Variants in GPR158 observed in about 807,000 individuals in gnomAD.
The protein encoded by GPR158 is metabotropic glycine receptor.
Under a neutral mutation model 78.2 loss-of-function variants are expected in GPR158, and 30 were observed. That is an observed-to-expected ratio of 0.38 (90% CI 0.29 to 0.52). The LOEUF is 0.52. Among genes scored for constraint, GPR158 ranks in the 20% least tolerant of loss-of-function variants. The pLI is 0.83. For synonymous variants in GPR158, 581 were observed against 591.1 expected, an observed-to-expected ratio of 0.98 and a Z score of 0.25; for missense variants, 1,463 against 1,523.5, an observed-to-expected ratio of 0.96 and a Z score of 0.66.
intron 2 of GPR158, among the ~76,000 whole-genome samples, chr10:25,338,492 T>TATATATTATATATACA (rs1294504632): frequency 2.2e-4 from 29 of 129,054 alleles, no homozygotes; most frequent in African/African-American, 9.0e-4. Context: ...ATACGTATAA[T>TATATATTATATATACA]ATACGTATAT....
chr10:25,246,239 A>G (rs1853687313), intron 2 of GPR158, among the ~76,000 whole-genome samples: 1 of 152,212 alleles, frequency 6.6e-6, no homozygotes, highest in Non-Finnish European at 1.5e-5. Flanking sequence ...TTTGATAGTC[A>G]CTGTAGAATA....
intron 4 of GPR158, among the ~76,000 whole-genome samples, chr10:25,438,270 A>G (rs140143088): frequency 6.6e-6 from 1 of 152,328 alleles, no homozygotes; most frequent in East Asian, 1.9e-4. Flanking sequence ...ATGAAGTTCA[A>G]GTGCACTTAG....
At chr10:25,289,071 C>G (rs1854395905) in intron 2 of GPR158, among the ~76,000 whole-genome samples, 1 of 152,160 alleles carries the variant, frequency 6.6e-6, no homozygotes, top group South Asian at 2.1e-4. Flanking sequence ...GCAACTTGGC[C>G]TCTGGCAAAT....
chr10:25,409,474 C>T (rs1166848527), intron 3 of GPR158, among the ~76,000 whole-genome samples: 1 of 152,150 alleles, frequency 6.6e-6, no homozygotes, highest in East Asian at 1.9e-4. Context: ...GTATTCTTAT[C>T]TGCTTTGTTG....
chr10:25,236,248 G>A (rs752751057), intron 2 of GPR158, among the ~76,000 whole-genome samples: 2 of 152,176 alleles, frequency 1.3e-5, no homozygotes, highest in Non-Finnish European at 2.9e-5. Flanking sequence ...GCTCACACCT[G>A]TAATGCCAGC....
chr10:25,313,963 C>T (rs998874267), intron 2 of GPR158, among the ~76,000 whole-genome samples: 5 of 152,100 alleles, frequency 3.3e-5, no homozygotes, highest in African/African-American at 1.2e-4. Context: ...CAGGGCCTGG[C>T]ACTTTTTGGT....
chr10:25,285,066 T>TTGTGTGTGTGTG (rs149094801), intron 2 of GPR158, among the ~76,000 whole-genome samples: 119 of 149,152 alleles, frequency 8.0e-4, no homozygotes, highest in African/African-American at 2.3e-3. Flanking sequence ...GTTCTATTCA[T>TTGTGTGTGTGTG]TGTGTGTGTG....
chr10:25,235,806 C>T (rs1356009258), intron 2 of GPR158, among the ~76,000 whole-genome samples: 1 of 150,606 alleles, frequency 6.6e-6, no homozygotes, highest in Admixed American at 6.7e-5. Context: ...ACGCCATTCT[C>T]CTGCCTCAGC....
At chr10:25,550,115 G>A (rs759322743) in intron 5 of GPR158, among the ~76,000 whole-genome samples, 13 of 152,094 alleles carry the variant, frequency 8.5e-5, no homozygotes, top group Non-Finnish European at 1.5e-4. Flanking sequence ...TGTCTTGCAC[G>A]TTATCTGTTC....
At chr10:25,576,555 A>C (rs1837099611) in intron 7 of GPR158, among the ~76,000 whole-genome samples, 1 of 152,166 alleles carries the variant, frequency 6.6e-6, no homozygotes, top group East Asian at 1.9e-4. Context: ...GGGAAAGAGG[A>C]CATAGAGAGT....
intron 5 of GPR158, among the ~76,000 whole-genome samples, chr10:25,485,356 A>G (rs1376928585): frequency 6.6e-6 from 1 of 152,124 alleles, no homozygotes; most frequent in East Asian, 1.9e-4. Context: ...GAAAATAGCA[A>G]AAGAAGAGAA....
intron 5 of GPR158, among the ~76,000 whole-genome samples, chr10:25,487,816 A>G (rs1200662378): frequency 6.6e-6 from 1 of 152,158 alleles, no homozygotes; most frequent in African/African-American, 2.4e-5. Flanking sequence ...ACACCTATGT[A>G]CTGCAGTTCA....
chr10:25,272,437 G>GCTTCCCTTTCCTTCTTCACCTTC (rs1166996471), intron 2 of GPR158, among the ~76,000 whole-genome samples: 1 of 151,946 alleles, frequency 6.6e-6, no homozygotes, highest in African/African-American at 2.4e-5. Flanking sequence ...TATCTCCTCT[G>GCTTCCCTTTCCTTCTTCACCTTC]CTTCCCTCTC....
At chr10:25,194,833 A>G (rs1237921753) in intron 1 of GPR158, among the ~76,000 whole-genome samples, 1 of 152,146 alleles carries the variant, frequency 6.6e-6, no homozygotes, top group African/African-American at 2.4e-5. Flanking sequence ...TTTTGCATCT[A>G]TAAATTTTAG....
chr10:25,436,725 G>A (rs887978338), intron 4 of GPR158, among the ~76,000 whole-genome samples: 3 of 152,170 alleles, frequency 2.0e-5, no homozygotes, highest in Non-Finnish European at 4.4e-5. Flanking sequence ...TTTATATGAT[G>A]GTTGAGGAAG....
At chr10:25,261,478 G>A (rs377138853) in intron 2 of GPR158, among the ~76,000 whole-genome samples, 76 of 151,518 alleles carry the variant, frequency 5.0e-4, no homozygotes, top group African/African-American at 1.7e-3. Flanking sequence ...TATGTCTTTT[G>A]CACTATGCTG....
At chr10:25,552,601 T>C (rs902431775) in intron 6 of GPR158, among the ~76,000 whole-genome samples, 2 of 152,216 alleles carry the variant, frequency 1.3e-5, no homozygotes, top group Non-Finnish European at 2.9e-5. Flanking sequence ...ATACCATTAT[T>C]GAATCCCCAG....
intron 4 of GPR158, among the ~76,000 whole-genome samples, chr10:25,440,846 C>T (rs1430140077): frequency 6.6e-6 from 1 of 152,062 alleles, no homozygotes; most frequent in Non-Finnish European, 1.5e-5. Context: ...GTTATTTTCT[C>T]TTTCAGAATA....
chr10:25,178,117 G>A (rs138288264), intron 1 of GPR158, among the ~76,000 whole-genome samples: 73 of 152,282 alleles, frequency 4.8e-4, no homozygotes, highest in African/African-American at 1.6e-3. Flanking sequence ...CTTTGCATGC[G>A]TTGTCTTGAT....
Sources: allele counts gnomAD v4.1 joint callset (sites outside exome capture counted in the v4.1 genomes callset), GRCh38; gene constraint gnomAD v4.1.1; transcripts MANE v1.5; gene names NCBI Gene and HGNC (gene_info 2026-07-23, HGNC 2026-07-21).